The following CTNNA3 variants were observed in gnomAD, a reference collection of about 807,000 sequenced individuals.
CTNNA3 encodes catenin alpha-3.
A neutral mutation model predicts 95.7 loss-of-function variants in CTNNA3; 76 were observed. That is an observed-to-expected ratio of 0.79 (90% confidence interval 0.66 to 0.96). The LOEUF is 0.96. Among genes scored for constraint, CTNNA3 ranks in the 40% least tolerant of loss-of-function variants. The pLI, the probability that CTNNA3 is intolerant of heterozygous loss-of-function variation, is 0.00. For synonymous variants in CTNNA3, 431 were observed against 374.4 expected (o/e 1.15, Z -1.74); for missense variants, 1,191 against 1,089.8 (o/e 1.09, Z -1.31).
intron 5 of CTNNA3, among the ~76,000 whole-genome samples, chr10:67,441,884 A>C (rs1336723760): frequency 6.6e-6 from 1 of 152,170 alleles, no homozygotes; most frequent in Non-Finnish European, 1.5e-5. Context: ...GTTAATTGTA[A>C]GCATACAGAA....
At chr10:66,362,856 T>G (rs926954096) in intron 12 of CTNNA3, among the ~76,000 whole-genome samples, 1 of 152,190 alleles carries the variant, frequency 6.6e-6, no homozygotes, top group Non-Finnish European at 1.5e-5. Context: ...TCAAATTTGC[T>G]TTTCACATTT....
At chr10:66,503,431 A>C (rs1840345184) in intron 11 of CTNNA3, among the ~76,000 whole-genome samples, 1 of 152,148 alleles carries the variant, frequency 6.6e-6, no homozygotes, top group Non-Finnish European at 1.5e-5. Context: ...AGGAAATGAC[A>C]GAATTATCTA....
intron 5 of CTNNA3, among the ~76,000 whole-genome samples, chr10:67,265,854 G>C (rs988579860): frequency 6.6e-6 from 1 of 152,082 alleles, no homozygotes; most frequent in Non-Finnish European, 1.5e-5. Flanking sequence ...CTGACCTGCC[G>C]CAGAGAAAAA....
chr10:66,192,808 C>T (rs1410929740), intron 13 of CTNNA3, among the ~76,000 whole-genome samples: 1 of 152,068 alleles, frequency 6.6e-6, no homozygotes, highest in Non-Finnish European at 1.5e-5. Flanking sequence ...ATATATTTTG[C>T]CTTACACTTA....
intron 7 of CTNNA3, among the ~76,000 whole-genome samples, chr10:66,836,555 A>G (rs1298206839): frequency 6.6e-6 from 1 of 152,132 alleles, no homozygotes; most frequent in East Asian, 1.9e-4. Context: ...GCAAAATATA[A>G]AAGCTGTATT....
intron 14 of CTNNA3, chr10:66,084,783 A>T (rs1372387619): frequency 6.6e-6 from 1 of 152,204 alleles, no homozygotes; most frequent in African/African-American, 2.4e-5. Flanking sequence ...AATTTGTAAA[A>T]TAGAAGTTTC....
intron 7 of CTNNA3, among the ~76,000 whole-genome samples, chr10:66,814,570 T>C (rs950101008): frequency 1.3e-5 from 2 of 152,106 alleles, no homozygotes; most frequent in African/African-American, 4.8e-5. Flanking sequence ...GAGACTAGCC[T>C]GGCCAATATG....
chr10:67,168,316 C>A (rs1270844883), intron 7 of CTNNA3, among the ~76,000 whole-genome samples: 1 of 152,018 alleles, frequency 6.6e-6, no homozygotes, highest in African/African-American at 2.4e-5. Context: ...CAAAACCTAG[C>A]AGAGACACAA....
At chr10:66,042,921 A>G (rs1190221040) in intron 15 of CTNNA3, among the ~76,000 whole-genome samples, 3 of 145,770 alleles carry the variant, frequency 2.1e-5, no homozygotes, top group Admixed American at 1.4e-4. Flanking sequence ...AAAAAAAAAA[A>G]AAAAAAAAGA....
At chr10:66,109,881 A>G (rs764626580) in intron 13 of CTNNA3, among the ~76,000 whole-genome samples, 92 of 150,636 alleles carry the variant, frequency 6.1e-4, no homozygotes, top group Non-Finnish European at 8.6e-4. Context: ...AAAAAAAACT[A>G]CAAACTTGCT....
At chr10:67,061,086 T>TA (rs994470487) in intron 7 of CTNNA3, among the ~76,000 whole-genome samples, 5 of 151,840 alleles carry the variant, frequency 3.3e-5, no homozygotes, top group African/African-American at 4.8e-5. Flanking sequence ...ATTCAATCAA[T>TA]AAAAAAAACT....
chr10:67,153,040 A>G (rs1246470702), intron 7 of CTNNA3, among the ~76,000 whole-genome samples: 1 of 151,644 alleles, frequency 6.6e-6, no homozygotes, highest in Non-Finnish European at 1.5e-5. Context: ...TAGTGGTGTG[A>G]TATCAGCTCA....
At chr10:67,340,078 T>C (rs763844456) in intron 5 of CTNNA3, among the ~76,000 whole-genome samples, 1 of 152,154 alleles carries the variant, frequency 6.6e-6, no homozygotes, top group African/African-American at 2.4e-5. Context: ...CTGCTTATAT[T>C]TTCAGTATCC....
intron 7 of CTNNA3, among the ~76,000 whole-genome samples, chr10:66,861,855 G>A (rs1472611024): frequency 6.6e-6 from 1 of 152,148 alleles, no homozygotes. Flanking sequence ...TTTCTTAAAT[G>A]TATGTATATC....
intron 15 of CTNNA3, among the ~76,000 whole-genome samples, chr10:66,063,251 G>T (rs963664404): frequency 1.4e-5 from 2 of 139,408 alleles, no homozygotes; most frequent in East Asian, 2.1e-4. Context: ...TAGATAGATA[G>T]ATCTATATAT....
At chr10:66,154,718 T>TTATATATATATATATATATATATATATA (rs1564706824) in intron 13 of CTNNA3, among the ~76,000 whole-genome samples, 3 of 16,408 alleles carry the variant, frequency 1.8e-4, no homozygotes, top group African/African-American at 5.0e-4. Context: ...TTGAAAAAGT[T>TTATATATATATATATATATATATATATA]CATATATATA....
At chr10:66,079,176 G>A (rs1331047407) in intron 14 of CTNNA3, 1 of 151,910 alleles carries the variant, frequency 6.6e-6, no homozygotes, top group African/African-American at 2.4e-5. Flanking sequence ...TACTGACAAT[G>A]AGTCATCCAC....
intron 7 of CTNNA3, among the ~76,000 whole-genome samples, chr10:66,974,390 G>A (rs528579784): frequency 2.0e-4 from 30 of 152,248 alleles, no homozygotes; most frequent in Admixed American, 5.9e-4. Context: ...CACACTTTAC[G>A]CATTCACCTG....
chr10:67,617,781 T>TA (rs1843701204), intron 2 of CTNNA3, among the ~76,000 whole-genome samples: 2 of 150,744 alleles, frequency 1.3e-5, no homozygotes, highest in South Asian at 4.2e-4. Context: ...TTTTTTTTTT[T>TA]ACTTTTTAAT....
Sources: gnomAD v4.1 joint callset for allele counts (sites outside exome capture counted in the v4.1 genomes callset) on GRCh38, gnomAD v4.1.1 for gene constraint, MANE v1.5 for transcripts, NCBI Gene and HGNC (gene_info 2026-07-23, HGNC 2026-07-21) for gene names.